The following VPS26A variants were observed in gnomAD, a reference collection of about 807,000 sequenced individuals.
The protein encoded by VPS26A is VPS26 retromer complex component A, also known as vacuolar protein sorting-associated protein 26A.
In VPS26A, 22 loss-of-function variants were observed where a neutral mutation model predicts 42.4. The ratio of observed to expected loss-of-function variants is 0.52; its 90% CI spans 0.37 to 0.74. The LOEUF is 0.74. Among genes scored for constraint, VPS26A ranks in the 30% least tolerant of loss-of-function variants. VPS26A has a pLI of 0.00. For synonymous variants in VPS26A, 110 were observed against 123.5 expected, an observed-to-expected ratio of 0.89 and a Z score of 0.73; for missense variants, 276 against 379.2, an observed-to-expected ratio of 0.73 and a Z score of 2.26.
intron 1 of VPS26A, 26 bp downstream of exon 1, chr10:69,124,306 C>G (rs757081987): frequency 7.2e-6 from 9 of 1,245,986 alleles, no homozygotes; most frequent in African/African-American, 1.6e-5. Flanking sequence ...CCAGCGCGCT[C>G]GCCTCCCGCC....
chr10:69,166,715 G>A (rs1057031943), intron 7 of VPS26A, among the ~76,000 whole-genome samples: 4 of 152,214 alleles, frequency 2.6e-5, no homozygotes, highest in Admixed American at 2.6e-4. Context: ...ATGCATGTAT[G>A]TGTACTCTTG....
intron 2 of VPS26A, among the ~76,000 whole-genome samples, chr10:69,137,283 A>G (rs1840935147): frequency 6.6e-6 from 1 of 152,130 alleles, no homozygotes; most frequent in African/African-American, 2.4e-5. Flanking sequence ...TAAAATAACA[A>G]ATTTATGTCT....
intron 2 of VPS26A, among the ~76,000 whole-genome samples, chr10:69,137,371 T>C (rs1840937671): frequency 6.6e-6 from 1 of 152,212 alleles, no homozygotes; most frequent in Admixed American, 6.5e-5. Context: ...TTAAAATCAA[T>C]CCAAGGTTGC....
chr10:69,139,652 T>G (rs772565081), intron 2 of VPS26A, among the ~76,000 whole-genome samples: 2 of 152,110 alleles, frequency 1.3e-5, no homozygotes, highest in African/African-American at 4.8e-5. Flanking sequence ...TGGCATAGGG[T>G]ATTGTTAACA....
chr10:69,152,644 A>G (rs2132220995), intron 2 of VPS26A, among the ~76,000 whole-genome samples: 1 of 152,266 alleles, frequency 6.6e-6, no homozygotes, highest in Admixed American at 6.5e-5. Context: ...TTGTAAGAAA[A>G]GCTTTTAAAA....
Position 69,157,100 on chromosome 10 carries a change from A to T in VPS26A, c.323A>T (p.Asp108Val), listed in dbSNP as rs538754101. The change falls in exon 4 of 9, where the codon GAT becomes GTT. Residue 108 changes from aspartate to valine, a missense_variant. Asp to Val is a radical substitution (Grantham distance 152). Coordinates refer to ENST00000263559, the MANE Select transcript of VPS26A (RefSeq NM_004896.5). Reference sequence around the variant, plus strand: ...GAACTGACTCAGAGCAGAAGTTATGATTTTGAATTTATGCAAGTTGAAAAG... The same window carrying T: ...GAACTGACTCAGAGCAGAAGTTATGTTTTTGAATTTATGCAAGTTGAAAAG... ...PGELTQSRSY[D>V]FEFMQVEKPY... 6.2e-7 allele frequency: 1 copy of T among 1,613,664 alleles called. No individual in the cohort carries two copies.
chr10:69,136,644 C>A (rs1477906531), intron 2 of VPS26A, among the ~76,000 whole-genome samples: 2 of 151,970 alleles, frequency 1.3e-5, no homozygotes, highest in Admixed American at 1.3e-4. Flanking sequence ...AATGGTGATA[C>A]TTTAAATTCT....
intron 7 of VPS26A, among the ~76,000 whole-genome samples, chr10:69,167,427 AAAAAG>A (rs900727104): frequency 1.4e-4 from 5 of 36,234 alleles, no homozygotes; most frequent in African/African-American, 1.9e-4. Context: ...CTGCCTCAAA[AAAAAG>A]AAAAAGAAAA....
At chr10:69,169,436 G>T (rs1320600197) in intron 8 of VPS26A, among the ~76,000 whole-genome samples, 1 of 151,812 alleles carries the variant, frequency 6.6e-6, no homozygotes, top group Non-Finnish European at 1.5e-5. Context: ...TTTTATTTGA[G>T]ACAGAGTCTC....
intron 1 of VPS26A, among the ~76,000 whole-genome samples, chr10:69,125,685 A>G (rs1423708214): frequency 6.6e-6 from 1 of 152,242 alleles, no homozygotes; most frequent in Non-Finnish European, 1.5e-5. Context: ...ACTAAATTGT[A>G]AAACTTTAAA....
chr10:69,153,679 G>A (rs1841370157), intron 2 of VPS26A, among the ~76,000 whole-genome samples: 2 of 152,036 alleles, frequency 1.3e-5, no homozygotes, highest in Admixed American at 1.3e-4. Flanking sequence ...AACATACATA[G>A]TTCACAGATA....
chr10:69,152,702 G>GC (rs1340278302), intron 2 of VPS26A, among the ~76,000 whole-genome samples: 4 of 152,170 alleles, frequency 2.6e-5, no homozygotes, highest in African/African-American at 9.6e-5. Flanking sequence ...GGGCACAGTG[G>GC]CTCATGCCTG....
At chr10:69,161,439 A>C (rs1841560203) in intron 5 of VPS26A, 1 of 160,288 alleles carries the variant, frequency 6.2e-6, no homozygotes, top group Admixed American at 6.4e-5. Context: ...TAGTGAAATG[A>C]TGAATACTTT....
At chr10:69,160,764 C>G (rs1159730095) in intron 5 of VPS26A, among the ~76,000 whole-genome samples, 1 of 152,162 alleles carries the variant, frequency 6.6e-6, no homozygotes, top group Admixed American at 6.5e-5. Context: ...TATTAACCAA[C>G]TCTTGAGATA....
chr10:69,133,787 G>A (rs1007018925), intron 2 of VPS26A: 5 of 345,140 alleles, frequency 1.4e-5, no homozygotes, highest in Non-Finnish European at 2.8e-5. Flanking sequence ...CCTGGACTCA[G>A]GTGATTCTCC....
At chr10:69,158,261 T>A (rs1841476560) in intron 5 of VPS26A, 50 bp downstream of exon 5, 2 of 1,428,242 alleles carry the variant, frequency 1.4e-6, no homozygotes, top group Non-Finnish European at 1.9e-6. Flanking sequence ...AAAAATTAAC[T>A]TTTCAGGTGT....
intron 2 of VPS26A, among the ~76,000 whole-genome samples, chr10:69,138,965 A>G (rs1353136012): frequency 6.6e-6 from 1 of 152,224 alleles, no homozygotes; most frequent in East Asian, 1.9e-4. Flanking sequence ...TTTTACTCAC[A>G]TTTCTTAAAT....
chr10:69,171,045 T>A (rs1841801892), intron 8 of VPS26A, 111 bp from the exon 9 acceptor site: 2 of 892,214 alleles, frequency 2.2e-6, no homozygotes, highest in East Asian at 5.3e-5. Context: ...AGAGGAGGGC[T>A]TTTGTAGGGA....
chr10:69,131,218 G>A (rs1049295327), intron 1 of VPS26A, among the ~76,000 whole-genome samples: 2 of 152,156 alleles, frequency 1.3e-5, no homozygotes, highest in African/African-American at 4.8e-5. Context: ...GACCTCAAGT[G>A]ATCTGCCTGC....
Sources: allele counts gnomAD v4.1 joint callset (sites outside exome capture counted in the v4.1 genomes callset), GRCh38; gene constraint gnomAD v4.1.1; transcripts MANE v1.5; gene names NCBI Gene and HGNC (gene_info 2026-07-23, HGNC 2026-07-21).